Variants in SPACA9 observed in about 807,000 individuals in gnomAD.
SPACA9 encodes the protein sperm acrosome associated 9, also known as sperm acrosome-associated protein 9.
SPACA9 carries 14 observed loss-of-function variants against 12.5 expected under a neutral mutation model. The observed-to-expected ratio is 1.12, with a 90% CI of 0.74 to 1.75. The LOEUF (loss-of-function observed/expected upper bound fraction) is 1.75. SPACA9 is among the 40% of genes most tolerant of loss of function. The probability of loss-of-function intolerance (pLI) is 0.00; values close to 1 mark genes in which losing one functional copy is unlikely to be tolerated. For synonymous variants in SPACA9, 111 were observed against 114.1 expected (o/e 0.97, Z 0.17); for missense variants, 292 against 291.9 (o/e 1.00, Z 0.00).
In SPACA9 at chr9:132,888,701, C is replaced by G; in HGVS notation, c.*90C>G. 6.9e-7 allele frequency: 1 copy of G among 1,451,926 alleles called. No individual in the cohort carries two copies. The highest frequency in any genetic ancestry group is 9.1e-7 in the Non-Finnish European group (1 of 1,101,450). The allele number at this position is 1,451,926 out of a possible 1,614,324, so 89.9% of individuals were successfully genotyped here. ...CTTTTTTCACTGGTACCCATGGACC[C>G]TGCCACTTACTAACCCCAAGGGAAT... On this transcript the variant is annotated 3_prime_UTR_variant, in exon 4 of 4. Coordinates refer to ENST00000356311, the MANE Select transcript of SPACA9 (RefSeq NM_001316897.2). This position sits in a 1 kb window ranked among gnomAD's most constrained non-coding sequence, Gnocchi z 5.0.
At position 132,889,657 on chromosome 9, in the gene SPACA9, C is replaced by T; in HGVS notation, c.*1046C>T. 6.6e-6 allele frequency: 6 copies of T among 908,706 alleles called. No homozygotes were observed. The highest frequency in any genetic ancestry group is 8.0e-6 in the Non-Finnish European group (6 of 752,798). The allele number at this position is 908,706 out of a possible 1,614,324, so 56.3% of individuals were successfully genotyped here. On this transcript the variant is annotated 3_prime_UTR_variant, in exon 4 of 4. Transcript: ENST00000356311. ...CTTGAACTCCTGACCTCAACTGGTCCACCCGCCTCGGCCTCCCAAAGTGCT... is the reference window on the plus strand; with the variant it reads ...CTTGAACTCCTGACCTCAACTGGTCTACCCGCCTCGGCCTCCCAAAGTGCT...
intron 2 of SPACA9, among the ~76,000 whole-genome samples, chr9:132,886,615 T>C (rs1003149177): frequency 1.1e-4 from 16 of 152,282 alleles, no homozygotes; most frequent in African/African-American, 2.4e-4. Context: ...GGGCGGGTTA[T>C]TTCACCTCTG....
At chr9:132,880,290 G>A (rs1844369708) in intron 1 of SPACA9, among the ~76,000 whole-genome samples, 1 of 152,146 alleles carries the variant, frequency 6.6e-6, no homozygotes, top group Non-Finnish European at 1.5e-5. Flanking sequence ...ATCGAGAAGT[G>A]CCCGTCCCCT....
chr9:132,878,436 G>A (rs1201482661), upstream of SPACA9: 14 of 1,230,730 alleles, frequency 1.1e-5, no homozygotes, highest in Non-Finnish European at 1.4e-5. The surrounding 1 kb of genome is among the most constrained non-coding windows in gnomAD (Gnocchi z 4.7). Flanking sequence ...CTGCGGCTCG[G>A]GCAAGTTCTT....
At chr9:132,878,625 C>A, upstream of SPACA9, 1 of 1,047,110 alleles carries the variant, frequency 9.6e-7, no homozygotes, top group Non-Finnish European at 1.1e-6. The surrounding 1 kb of genome is among the most constrained non-coding windows in gnomAD (Gnocchi z 4.7). Context: ...CTCCCCGGCC[C>A]GGCTCCCTGT....
rs1332306208 is a variant in SPACA9 at position 132,888,784 on chromosome 9, T to C, written c.*173T>C. 16 of 1,392,690 alleles carry C rather than the reference T, an allele frequency of 1.1e-5. No homozygotes were observed. Among genetic ancestry groups the C allele is most frequent in the Non-Finnish European group, 1.5e-5 (16 of 1,075,600 alleles). 86.3% of individuals were successfully genotyped at this position (1,392,690 alleles called of 1,614,324 possible). A position where few individuals can be genotyped will look rare whatever the true frequency, so the allele number is the denominator to read the frequency against. On this transcript the variant is annotated 3_prime_UTR_variant, in exon 4 of 4. Coordinates refer to ENST00000356311, the MANE Select transcript of SPACA9 (RefSeq NM_001316897.2). The surrounding 1 kb of genome is among the most constrained non-coding windows in gnomAD (Gnocchi z 5.0). ...CTTCTTGCTTTAACTTCTTTTTTTT[T>C]TGAGACGGAGTCTCGCTCTGTCGCC...
chr9:132,878,369 TA>T, upstream of SPACA9: 9 of 1,247,024 alleles, frequency 7.2e-6, no homozygotes, highest in Non-Finnish European at 8.1e-6. The surrounding 1 kb of genome is among the most constrained non-coding windows in gnomAD (Gnocchi z 4.7). Context: ...CGGGCCCAGA[TA>T]CCCGATCCTC....
chr9:132,888,823 G>A lies in SPACA9; in HGVS notation c.*212G>A, dbSNP rs191942467. ...CGCTCTGTCGCCCAGGCTGGAGTGC[G>A]GTGGCGCAACCTCGGCTCACTGCAA... On this transcript the variant is annotated 3_prime_UTR_variant, in exon 4 of 4. Transcript: ENST00000356311. This position sits in a 1 kb window ranked among gnomAD's most constrained non-coding sequence, Gnocchi z 5.0. 573 of 1,191,576 alleles carry A rather than the reference G, an allele frequency of 4.8e-4. No individual in the cohort carries two copies. Among genetic ancestry groups the A allele is most frequent in the South Asian group, 1.5e-3 (76 of 51,592 alleles). 73.8% of individuals were successfully genotyped at this position (1,191,576 alleles called of 1,614,324 possible). A position where few individuals can be genotyped will look rare whatever the true frequency, so the allele number is the denominator to read the frequency against.
rs551246829 is a variant in SPACA9, at chr9:132,881,998, C to T, written c.-37-1913C>T. Among the ~76,000 whole-genome samples, 4 of 152,304 alleles carry T rather than the reference C, an allele frequency of 2.6e-5. No individual in the cohort carries two copies. The South Asian group carries it at 8.3e-4, about 32-fold the overall frequency. ...GTCTGCTCCATGTGGCAGGGACCAG[C>T]CAAGGATATGGCAGGTGTCAATAAA... On this transcript the variant is annotated intron_variant, in intron 1 of 3. Coordinates refer to ENST00000356311, the MANE Select transcript of SPACA9 (RefSeq NM_001316897.2).
At position 132,887,138 on chromosome 9, in the gene SPACA9, T is replaced by TATCCATCC. The variant is rs59019466; in HGVS notation, c.145-195_145-188dup. Among the ~76,000 whole-genome samples the TATCCATCC allele has an allele frequency of 1.0e-4, 15 of 149,228 alleles. No individual in the cohort carries two copies. Among genetic ancestry groups the TATCCATCC allele is most frequent in the East Asian group, 4.0e-4 (2 of 5,002 alleles). On this transcript the variant is annotated intron_variant, in intron 2 of 3. Transcript: ENST00000356311. This position sits in a 1 kb window ranked among gnomAD's most constrained non-coding sequence, Gnocchi z 5.4. ...CGATCCATTAATTTCATATCATATC[T>TATCCATCC]ATCCATCCATCCATCCATCCATCCA...
chr9:132,878,451 C>T (rs554921044), upstream of SPACA9: 200 of 1,225,512 alleles, frequency 1.6e-4, 2 homozygotes, highest in South Asian at 7.4e-3. The surrounding 1 kb of genome is among the most constrained non-coding windows in gnomAD (Gnocchi z 4.7). Context: ...GTTCTTTCCC[C>T]AACCCCGGCC....
At position 132,890,014 on chromosome 9, in the gene SPACA9, A is replaced by T. The variant is rs777276253; in HGVS notation, c.*1403A>T. The T allele has an allele frequency of 3.4e-6, 5 of 1,452,806 alleles. No individual in the cohort carries two copies. Among genetic ancestry groups the T allele is most frequent in the Non-Finnish European group, 2.7e-6 (3 of 1,094,208 alleles). 90.0% of individuals were successfully genotyped at this position (1,452,806 alleles called of 1,614,324 possible). On this transcript the variant is annotated 3_prime_UTR_variant, in exon 4 of 4. Coordinates refer to ENST00000356311, the MANE Select transcript of SPACA9 (RefSeq NM_001316897.2). The stretch of plus-strand genomic sequence containing the variant: ...CCTCAGGGGGAGACAGTCAAGAATA[A>T]AAAGTATTCTACCACCTCTCTGCCT...
Position 132,888,658 on chromosome 9 carries a change from G to T in SPACA9, c.*47G>T. 2 of 1,477,388 alleles carry T rather than the reference G, an allele frequency of 1.4e-6. No homozygotes were observed. Among genetic ancestry groups the T allele is most frequent in the South Asian group, 2.8e-5 (2 of 71,144 alleles). The allele number at this position is 1,477,388 out of a possible 1,614,324, so 91.5% of individuals were successfully genotyped here. On this transcript the variant is annotated 3_prime_UTR_variant, in exon 4 of 4. Transcript: ENST00000356311. The surrounding 1 kb of genome is among the most constrained non-coding windows in gnomAD (Gnocchi z 5.0). ...GGCGGAGAGCTTTGCTGTTTAATTT[G>T]GATTTTACTGGTTGGTCCTTTTTTC...
In SPACA9 at chr9:132,889,693, G is replaced by C; in HGVS notation, c.*1082G>C. The C allele has an allele frequency of 9.3e-7, 1 of 1,080,526 alleles. No homozygotes were observed. The highest frequency in any genetic ancestry group is 1.1e-6 in the Non-Finnish European group (1 of 889,760). The allele number at this position is 1,080,526 out of a possible 1,614,324, so 66.9% of individuals were successfully genotyped here. A position where few individuals can be genotyped will look rare whatever the true frequency, so the allele number is the denominator to read the frequency against. ...GCCTCCCAAAGTGCTGGGATTACAG[G>C]TGTGAGCCACGGCACCTGGCCAGAA... On this transcript the variant is annotated 3_prime_UTR_variant, in exon 4 of 4. Transcript: ENST00000356311.
In SPACA9 at chr9:132,887,531, C is replaced by A; in HGVS notation, c.307C>A (p.Leu103Ile). The A allele has an allele frequency of 6.2e-7, 1 of 1,614,084 alleles. No homozygotes were observed. Among genetic ancestry groups the A allele is most frequent in the Non-Finnish European group, 8.5e-7 (1 of 1,180,018 alleles). ...CAACCTCCTGGAGAAATGCAAAACC[C>A]TCGTTAGCCAAAGCAACGACTTAAG... is the stretch of plus-strand genomic sequence containing the variant. ...TNNLLEKCKT[L>I]VSQSNDLSSL... Residue 103 changes from leucine to isoleucine, a missense_variant, in exon 3 of 4, where the codon CTC becomes ATC. Coordinates refer to ENST00000356311, the MANE Select transcript of SPACA9 (RefSeq NM_001316897.2). This position sits in a 1 kb window ranked among gnomAD's most constrained non-coding sequence, Gnocchi z 5.4.
chr9:132,878,429 C>T (rs1588255885), upstream of SPACA9: 1 of 1,232,066 alleles, frequency 8.1e-7, no homozygotes, highest in Non-Finnish European at 1.0e-6. This position sits in a 1 kb window ranked among gnomAD's most constrained non-coding sequence, Gnocchi z 4.7. Flanking sequence ...ACGCGCTCTG[C>T]GGCTCGGGCA....
chr9:132,879,260 C>G (rs1481123066), intron 1 of SPACA9, among the ~76,000 whole-genome samples: 1 of 152,210 alleles, frequency 6.6e-6, no homozygotes, highest in East Asian at 1.9e-4. Flanking sequence ...ATTGGGATCT[C>G]TAGCTCTTGT....
At chr9:132,884,691 G>T (rs1844516630) in intron 2 of SPACA9, among the ~76,000 whole-genome samples, 1 of 152,240 alleles carries the variant, frequency 6.6e-6, no homozygotes, top group Non-Finnish European at 1.5e-5. Context: ...GCCCTTCACA[G>T]CTTGGAGGGA....
Position 132,887,661 on chromosome 9 carries a change from G to A in SPACA9, c.347+90G>A. ...TCTTTCCTGTTGCCTGGATCATGGT[G>A]CTCCTATTAGACCACCCCGGGCAGG... On this transcript the variant is annotated intron_variant, in intron 3 of 3. Transcript: ENST00000356311. The surrounding 1 kb of genome is among the most constrained non-coding windows in gnomAD (Gnocchi z 5.4). 1 of 1,139,766 alleles carries A rather than the reference G, an allele frequency of 8.8e-7. No individual in the cohort carries two copies. The highest frequency in any genetic ancestry group is 1.5e-5 in the African/African-American group (1 of 65,616). The allele number at this position is 1,139,766 out of a possible 1,614,324, so 70.6% of individuals were successfully genotyped here.
Sources: gnomAD v4.1 joint callset for allele counts (sites outside exome capture counted in the v4.1 genomes callset) on GRCh38, gnomAD v4.1.1 for gene constraint, Gnocchi (gnomAD v3.1) non-coding constraint, MANE v1.5 for transcripts, NCBI Gene and HGNC (gene_info 2026-07-23, HGNC 2026-07-21) for gene names.